Variants in DUOX2 observed in about 807,000 individuals in gnomAD.
The protein encoded by DUOX2 is NADH/NADPH thyroid oxidase p138-tox.
DUOX2 carries 185 observed loss-of-function variants against 183.3 expected under a neutral mutation model. The ratio of observed to expected loss-of-function variants is 1.01; its 90% confidence interval spans 0.90 to 1.14. The LOEUF is 1.14. DUOX2 is among the 50% of genes most tolerant of loss of function. The probability of loss-of-function intolerance (pLI) is 0.00; values close to 1 mark genes in which losing one functional copy is unlikely to be tolerated. For synonymous variants in DUOX2, 788 were observed against 812.4 expected, an observed-to-expected ratio of 0.97 and a Z score of 0.51; for missense variants, 1,999 against 2,022.9, an observed-to-expected ratio of 0.99 and a Z score of 0.23.
chr15:45,097,728 C>T lies in DUOX2; in HGVS notation c.3579G>A (p.Val1193=). 1 of 1,614,230 alleles carries T rather than the reference C, an allele frequency of 6.2e-7. No homozygotes were observed. The highest frequency in any genetic ancestry group is 8.5e-7 in the Non-Finnish European group (1 of 1,180,042). ...TGATGGCCAGGACCAGGAGCAGAAG[C>T]ACACCTGTCATACCTGGGGGCAGGA... ...FFQTVPGMTG[V]LLLLVLAIMY... Residue 1193 remains valine (V), a synonymous_variant, in exon 28 of 34, where the codon GTG becomes GTA. Coordinates refer to ENST00000389039, the MANE Select transcript of DUOX2 (RefSeq NM_001363711.2).
chr15:45,100,315 C>T, intron 23 of DUOX2, 87 bp from the exon 24 acceptor site: 1 of 1,363,078 alleles, frequency 7.3e-7, no homozygotes, highest in Non-Finnish European at 1.0e-6. Flanking sequence ...ACCTGGGGAT[C>T]TGGCAGGCAT....
rs539729191 is a variant in DUOX2 at position 45,111,936 on chromosome 15, G to T, written c.345C>A (p.Asp115Glu). Residue 115 changes from aspartate (D) to glutamate (E), a missense_variant, in exon 5 of 34, where the codon GAC becomes GAA. Physicochemically the swap from Asp to Glu is conservative, Grantham distance 45. This residue lies in a region of DUOX2 where 356 missense variants were observed against 356.4 expected (regional missense o/e 1.00). Coordinates refer to ENST00000389039, the MANE Select transcript of DUOX2 (RefSeq NM_001363711.2). The stretch of plus-strand genomic sequence containing the variant: ...AACCGGGCGTTTCCACGCTCACCAC[G>T]TCGGAAAGAACATGGTAGCCTGCGG... Reference protein sequence around the residue: ...GVFFGYHVLSDVVSVETPGCP... With the variant: ...GVFFGYHVLSEVVSVETPGCP... 3.1e-6 allele frequency: 5 copies of T among 1,613,676 alleles called. No homozygotes were observed. The Admixed American group carries it at 6.7e-5, about 22-fold the overall frequency.
intron 5 of DUOX2, 83 bp from the exon 6 acceptor site, chr15:45,111,668 TG>T: frequency 6.9e-7 from 1 of 1,445,106 alleles, no homozygotes; most frequent in Admixed American, 2.9e-5. Flanking sequence ...TGTCCGCGGC[TG>T]GGGAGTGGGC....
At chr15:45,100,446 T>G in intron 23 of DUOX2, 1 of 610,458 alleles carries the variant, frequency 1.6e-6, no homozygotes, top group Non-Finnish European at 2.9e-6. Flanking sequence ...CTCCCCCTCC[T>G]CCTGTCTGTT....
Position 45,113,436 on chromosome 15 carries a change from AG to A in DUOX2, c.-14-12del. 2 of 1,551,336 alleles carry A rather than the reference AG, an allele frequency of 1.3e-6. No homozygotes were observed. The highest frequency in any genetic ancestry group is 8.7e-7 in the Non-Finnish European group (1 of 1,146,672). On this transcript the variant is annotated splice_polypyrimidine_tract_variant and intron_variant, in intron 1 of 33. Coordinates refer to ENST00000389039, the MANE Select transcript of DUOX2 (RefSeq NM_001363711.2). Reference sequence around the variant, plus strand: ...TGCCAACCCTGCAGCCTGCGGGGTGAGGGTGGGGGTGGTAGGTGGTATGCGA... The same window carrying A: ...TGCCAACCCTGCAGCCTGCGGGGTGAGGTGGGGGTGGTAGGTGGTATGCGA...
intron 16 of DUOX2, 80 bp downstream of exon 16, chr15:45,106,448 T>C: frequency 1.3e-6 from 2 of 1,588,786 alleles, no homozygotes; most frequent in Non-Finnish European, 1.7e-6. Flanking sequence ...CCTCTCACTC[T>C]GTAACTTGGT....
At position 45,114,168 on chromosome 15, in the gene DUOX2, A is replaced by T; in HGVS notation, c.-210T>A. ...TGTCGGCTCAGGACAGACCTGCGCC[A>T]GTGTGAGCATCTGGACCTAGGGCTC... On this transcript the variant is annotated 5_prime_UTR_variant, in exon 1 of 34. Transcript: ENST00000389039. 1 of 310,868 alleles carries T rather than the reference A, an allele frequency of 3.2e-6. No individual in the cohort carries two copies. Among genetic ancestry groups the T allele is most frequent in the Non-Finnish European group, 6.3e-6 (1 of 158,980 alleles). The allele number at this position is 310,868 out of a possible 1,614,324, so 19.3% of individuals were successfully genotyped here.
At position 45,108,887 on chromosome 15, in the gene DUOX2, G is replaced by C. The variant is rs119472026; in HGVS notation, c.1300C>G (p.Arg434Gly). Residue 434 changes from arginine to glycine, a missense_variant, in exon 12 of 34, where the codon CGA becomes GGA. Transcript: ENST00000389039. ...DYVASSIQRG[R>G]DMGLPSYSQA... is the part of the protein sequence containing the mutation. The stretch of plus-strand genomic sequence containing the variant: ...CTATAGCTGGGCAGCCCCATATCTC[G>C]GCCACGTTGGATGCTGCTGGCCACA... 6.2e-7 allele frequency: 1 copy of C among 1,614,086 alleles called. No individual in the cohort carries two copies. The highest frequency in any genetic ancestry group is 8.5e-7 in the Non-Finnish European group (1 of 1,180,048).
At chr15:45,106,425 G>T (rs1894214982) in intron 16 of DUOX2, 98 bp from the exon 17 acceptor site, 4 of 1,588,918 alleles carry the variant, frequency 2.5e-6, no homozygotes, top group Non-Finnish European at 3.4e-6. Flanking sequence ...CGCCCTAAAG[G>T]TGCCTTGGCT....
At chr15:45,107,095 T>C in intron 14 of DUOX2, 126 bp from the exon 15 acceptor site, 1 of 1,407,200 alleles carries the variant, frequency 7.1e-7, no homozygotes, top group Non-Finnish European at 9.8e-7. Context: ...TCCCTGAAAC[T>C]GTCTCCCTCA....
chr15:45,094,353 G>A, intron 33 of DUOX2, 81 bp from the exon 34 acceptor site: 1 of 1,601,780 alleles, frequency 6.2e-7, no homozygotes, highest in Non-Finnish European at 8.5e-7. Flanking sequence ...TCCTGAGCCT[G>A]GCTGGAATGA....
At chr15:45,107,053 C>G in intron 14 of DUOX2, 84 bp from the exon 15 acceptor site, 1 of 1,537,432 alleles carries the variant, frequency 6.5e-7, no homozygotes, top group Non-Finnish European at 8.8e-7. Flanking sequence ...CTATAAAGGA[C>G]CAAGGTATCA....
chr15:45,106,327 G>T lies in DUOX2; in HGVS notation c.1946C>A (p.Ala649Glu), dbSNP rs748793969. 101 of 1,613,840 alleles carry T rather than the reference G, an allele frequency of 6.3e-5. No individual in the cohort carries two copies. In the East Asian group the frequency reaches 8.2e-4, roughly 13 times the overall value. The part of the protein sequence containing the change: ...KKEAAKDGVP[A>E]MEWPGPKERS... Reference sequence around the variant, plus strand: ...CTCCTTGGGGCCTGGCCACTCCATCGCTGGGGAAGGGATAATTGGGCCGGG... The same window carrying T: ...CTCCTTGGGGCCTGGCCACTCCATCTCTGGGGAAGGGATAATTGGGCCGGG... Residue 649 changes from alanine to glutamate, a missense_variant and splice_region_variant, in exon 17 of 34, where the codon GCG becomes GAG. By Grantham distance (107) the Ala-to-Glu change is moderately radical. This residue lies in a region of DUOX2 where 1,628 missense variants were observed against 1,608.6 expected (regional missense o/e 1.01). Coordinates refer to ENST00000389039, the MANE Select transcript of DUOX2 (RefSeq NM_001363711.2).
At chr15:45,107,908 A>G (rs75196712) in intron 13 of DUOX2, 139 bp downstream of exon 13, 1 of 842,176 alleles carries the variant, frequency 1.2e-6, no homozygotes, top group Non-Finnish European at 1.9e-6. Flanking sequence ...GAAGAAAAAA[A>G]GAGAGACCCA....
rs374919001 is a variant in DUOX2 at position 45,110,402 on chromosome 15, C to T, written c.1040+26G>A. 13 of 1,597,406 alleles carry T rather than the reference C, an allele frequency of 8.1e-6. No individual in the cohort carries two copies. The African/African-American group carries it at 9.4e-5, about 12-fold the overall frequency. On this transcript the variant is annotated intron_variant, in intron 9 of 33. Coordinates refer to ENST00000389039, the MANE Select transcript of DUOX2 (RefSeq NM_001363711.2). Reference sequence around the variant, plus strand: ...ATTCTGCACCTTTCTTAGTGTGGTGCCCCTCTCTGCCAACCCCTCCCTCAC... The same window carrying T: ...ATTCTGCACCTTTCTTAGTGTGGTGTCCCTCTCTGCCAACCCCTCCCTCAC...
At position 45,100,090 on chromosome 15, in the gene DUOX2, G is replaced by A; in HGVS notation, c.3144C>T (p.Phe1048=). 1 of 1,614,234 alleles carries A rather than the reference G, an allele frequency of 6.2e-7. No individual in the cohort carries two copies. The highest frequency in any genetic ancestry group is 8.5e-7 in the Non-Finnish European group (1 of 1,180,034). ...YRRHIVCVAI[F]SAICVGVFAD... ...CAAACACGCCAACACAGATGGCCGA[G>A]AAGATTGCCACACACACGATGTGCC... The change falls in exon 24 of 34, where the codon TTC becomes TTT. Residue 1048 remains phenylalanine, a synonymous_variant. Transcript: ENST00000389039.
rs1893996764 is a variant in DUOX2 at position 45,099,326 on chromosome 15, T to C, written c.3515+57A>G. 4 of 1,533,344 alleles carry C rather than the reference T, an allele frequency of 2.6e-6. No individual in the cohort carries two copies. The South Asian group carries it at 4.5e-5, about 17-fold the overall frequency. 95.0% of individuals were successfully genotyped at this position (1,533,344 alleles called of 1,614,324 possible). A position where few individuals can be genotyped will look rare whatever the true frequency, so the allele number is the denominator to read the frequency against. ...CGCCCGGCCTGCCTATTTCTTTTTC[T>C]ATTATACCCTTGGGCCCACCCTATG... On this transcript the variant is annotated intron_variant, in intron 26 of 33. Transcript: ENST00000389039.
chr15:45,108,241 T>C lies in DUOX2; in HGVS notation c.1399-19A>G, dbSNP rs1310041011. ...CCAGCACCTGGGGCACCACAGGAGA[T>C]AAGGGGTGAGCGTATGTTTGCTGCG... On this transcript the variant is annotated intron_variant, in intron 12 of 33. Coordinates refer to ENST00000389039, the MANE Select transcript of DUOX2 (RefSeq NM_001363711.2). The C allele has an allele frequency of 1.2e-6, 2 of 1,613,744 alleles. No individual in the cohort carries two copies. The highest frequency in any genetic ancestry group is 1.7e-6 in the Non-Finnish European group (2 of 1,179,948).
At chr15:45,109,053 G>T in intron 11 of DUOX2, 101 bp from the exon 12 acceptor site, 1 of 1,459,074 alleles carries the variant, frequency 6.9e-7, no homozygotes, top group Non-Finnish European at 9.5e-7. Context: ...CTTCCCTCCT[G>T]GCTACCCCCA....
Sources: gnomAD v4.1 joint callset for allele counts on GRCh38, gnomAD v4.1.1 for gene constraint, gnomAD v4.1.1 regional missense constraint, MANE v1.5 for transcripts, NCBI Gene and HGNC (gene_info 2026-07-23, HGNC 2026-07-21) for gene names.